Variants in RBMS1 observed in about 807,000 individuals in gnomAD.
The protein encoded by RBMS1 is RNA-binding motif, single-stranded-interacting protein 1.
Under a neutral mutation model 62.3 loss-of-function variants are expected in RBMS1, and 17 were observed. The ratio of observed to expected loss-of-function variants is 0.27; its 90% CI spans 0.19 to 0.41. The LOEUF (loss-of-function observed/expected upper bound fraction) is 0.41. RBMS1 is among the 10% of genes least tolerant of loss of function. RBMS1 has a pLI of 1.00. For synonymous variants in RBMS1, 172 were observed against 170.0 expected, an observed-to-expected ratio of 1.01 and a Z score of -0.09; for missense variants, 334 against 504.5, an observed-to-expected ratio of 0.66 and a Z score of 3.24.
At chr2:160,432,211 A>T (rs1307252421) in intron 1 of RBMS1, among the ~76,000 whole-genome samples, 1 of 152,214 alleles carries the variant, frequency 6.6e-6, no homozygotes, top group East Asian at 1.9e-4. Context: ...CAAATGACCA[A>T]GTGGTAAAGC....
intron 1 of RBMS1, among the ~76,000 whole-genome samples, chr2:160,480,336 T>A (rs766378294): frequency 2.6e-5 from 4 of 152,152 alleles, no homozygotes; most frequent in Non-Finnish European, 4.4e-5. Context: ...AAGAACGTCA[T>A]CTGTTCTTAA....
intron 1 of RBMS1, among the ~76,000 whole-genome samples, chr2:160,435,448 C>A (rs1044541992): frequency 3.4e-4 from 51 of 152,172 alleles, no homozygotes; most frequent in African/African-American, 1.2e-3. Flanking sequence ...AACATCAGTC[C>A]TCTGATTGCT....
chr2:160,493,499 C>A lies in RBMS1; in HGVS notation c.-136G>T. ...GCGGCTGCTGCTGCTGCCGCTGCTC[C>A]ACCTCCCAGCCGGGACCAGACGTCC... On this transcript the variant is annotated 5_prime_UTR_variant, in exon 1 of 14. Coordinates refer to ENST00000348849, the MANE Select transcript of RBMS1 (RefSeq NM_016836.4). 1.4e-6 allele frequency: 1 copy of A among 720,810 alleles called. No individual in the cohort carries two copies. 44.7% of individuals were successfully genotyped at this position (720,810 alleles called of 1,614,324 possible).
At chr2:160,413,119 G>A (rs113182364) in intron 1 of RBMS1, among the ~76,000 whole-genome samples, 3,685 of 152,314 alleles carry the variant, frequency 0.024, 67 homozygotes, top group Non-Finnish European at 0.037. Context: ...TATTGCTGTT[G>A]AACCATTTCA....
At chr2:160,437,445 GC>G (rs1384224043) in intron 1 of RBMS1, among the ~76,000 whole-genome samples, 1 of 152,166 alleles carries the variant, frequency 6.6e-6, no homozygotes, top group Non-Finnish European at 1.5e-5. Context: ...TTCAAAAATT[GC>G]CAGTTCTGTC....
intron 6 of RBMS1, among the ~76,000 whole-genome samples, chr2:160,294,653 A>G (rs1688844790): frequency 6.6e-6 from 1 of 152,200 alleles, no homozygotes; most frequent in Admixed American, 6.5e-5. Flanking sequence ...ACTTGGCTCC[A>G]ATGTCATGGG....
intron 3 of RBMS1, among the ~76,000 whole-genome samples, chr2:160,313,899 TAA>T (rs753635799): frequency 5.5e-4 from 84 of 152,296 alleles, no homozygotes; most frequent in Non-Finnish European, 9.9e-4. Context: ...TTCTAAAGTC[TAA>T]AAACAAAACA....
rs1309175479 is a variant in RBMS1, at chr2:160,493,642, G to A, written c.-279C>T. 3 of 519,348 alleles carry A rather than the reference G, an allele frequency of 5.8e-6. No individual in the cohort carries two copies. The highest frequency in any genetic ancestry group is 6.5e-5 in the Admixed American group (2 of 30,946). 32.2% of individuals were successfully genotyped at this position (519,348 alleles called of 1,614,324 possible). On this transcript the variant is annotated 5_prime_UTR_variant, in exon 1 of 14. Coordinates refer to ENST00000348849, the MANE Select transcript of RBMS1 (RefSeq NM_016836.4). ...GAGCGCAGAGGGCACCCCGGACAGGGCGCTCCCAAGGAGTTTCCTCCCGGA... is the reference window on the plus strand; with the variant it reads ...GAGCGCAGAGGGCACCCCGGACAGGACGCTCCCAAGGAGTTTCCTCCCGGA...
At chr2:160,275,078 G>C (rs1172353164) in intron 13 of RBMS1, among the ~76,000 whole-genome samples, 1 of 152,168 alleles carries the variant, frequency 6.6e-6, no homozygotes, top group Non-Finnish European at 1.5e-5. Flanking sequence ...TATATCACCA[G>C]GGCAATGCAG....
At chr2:160,281,987 A>T (rs1001490234) in intron 9 of RBMS1, 2 of 261,120 alleles carry the variant, frequency 7.7e-6, no homozygotes, top group Admixed American at 9.4e-5. Context: ...GGGCATCCAC[A>T]CAGTAGACCC....
intron 1 of RBMS1, among the ~76,000 whole-genome samples, chr2:160,376,103 G>A (rs369440744): frequency 2.0e-5 from 3 of 152,024 alleles, no homozygotes; most frequent in African/African-American, 7.2e-5. Flanking sequence ...ATGAATTACC[G>A]CTGAGATTGT....
At chr2:160,348,610 T>C (rs1692314633) in intron 2 of RBMS1, among the ~76,000 whole-genome samples, 1 of 152,246 alleles carries the variant, frequency 6.6e-6, no homozygotes, top group South Asian at 2.1e-4. Context: ...CTAATGACTA[T>C]CAACCTGCAC....
chr2:160,422,994 T>A (rs565231902), intron 1 of RBMS1, among the ~76,000 whole-genome samples: 2 of 152,198 alleles, frequency 1.3e-5, no homozygotes, highest in Non-Finnish European at 2.9e-5. Flanking sequence ...ATTATTTACA[T>A]GAAATTCTCT....
At chr2:160,287,289 C>T (rs1017174928) in intron 6 of RBMS1, among the ~76,000 whole-genome samples, 1 of 152,176 alleles carries the variant, frequency 6.6e-6, no homozygotes, top group Non-Finnish European at 1.5e-5. Context: ...TATTTCTGAA[C>T]ATTTAAATAA....
At chr2:160,431,550 T>C (rs1444074442) in intron 1 of RBMS1, among the ~76,000 whole-genome samples, 1 of 152,214 alleles carries the variant, frequency 6.6e-6, no homozygotes, top group Non-Finnish European at 1.5e-5. Context: ...GTCTGTTTCA[T>C]AATCTTAGGC....
intron 2 of RBMS1, among the ~76,000 whole-genome samples, chr2:160,328,667 C>T (rs1691087569): frequency 6.6e-6 from 1 of 152,082 alleles, no homozygotes; most frequent in African/African-American, 2.4e-5. Context: ...CCCCCCGCCC[C>T]CAACACCACG....
intron 4 of RBMS1, among the ~76,000 whole-genome samples, chr2:160,312,434 T>G (rs1689976887): frequency 6.6e-6 from 1 of 152,182 alleles, no homozygotes; most frequent in African/African-American, 2.4e-5. Flanking sequence ...TGCTAAAATA[T>G]ATATTAAGCA....
chr2:160,408,214 T>C (rs1695874485), intron 1 of RBMS1, among the ~76,000 whole-genome samples: 1 of 151,928 alleles, frequency 6.6e-6, no homozygotes, highest in African/African-American at 2.4e-5. Flanking sequence ...GCGGCAGCTT[T>C]GCACCCCGGC....
chr2:160,324,884 A>ATGTATATATATATATATATATATATG (rs1559383305), intron 2 of RBMS1, among the ~76,000 whole-genome samples: 1 of 49,398 alleles, frequency 2.0e-5, no homozygotes, highest in African/African-American at 5.5e-5. Flanking sequence ...GTGTGTGTGT[A>ATGTATATATATATATATATATATATG]TATATATATA....
Sources: gnomAD v4.1 joint callset for allele counts (sites outside exome capture counted in the v4.1 genomes callset) on GRCh38, gnomAD v4.1.1 for gene constraint, MANE v1.5 for transcripts, NCBI Gene and HGNC (gene_info 2026-07-23, HGNC 2026-07-21) for gene names.